The following MLLT3 variants were observed in gnomAD, a reference collection of about 807,000 sequenced individuals.
MLLT3 encodes the protein protein AF-9.
Under a neutral mutation model 53.2 loss-of-function variants are expected in MLLT3, and 4 were observed. That is an observed-to-expected ratio of 0.08 (90% CI 0.04 to 0.17). MLLT3 has a LOEUF of 0.17. MLLT3 is among the 10% of genes least tolerant of loss of function. The pLI, the probability that MLLT3 is intolerant of heterozygous loss-of-function variation, is 1.00. For missense variants in MLLT3, 569 were observed against 684.0 expected, an observed-to-expected ratio of 0.83 and a Z score of 1.87; for synonymous variants, 283 against 230.6, an observed-to-expected ratio of 1.23 and a Z score of -2.06.
At chr9:20,368,010 T>A (rs1821501262) in intron 5 of MLLT3, among the ~76,000 whole-genome samples, 1 of 152,202 alleles carries the variant, frequency 6.6e-6, no homozygotes, top group Admixed American at 6.5e-5. Flanking sequence ...CTAGCACTCA[T>A]TCTGCAGGAA....
chr9:20,617,738 C>G (rs1325266130), intron 2 of MLLT3, among the ~76,000 whole-genome samples: 1 of 152,074 alleles, frequency 6.6e-6, no homozygotes, highest in Non-Finnish European at 1.5e-5. Flanking sequence ...CAGGCTTCAC[C>G]ATTTCATCAA....
chr9:20,467,260 C>T (rs1287082013), intron 2 of MLLT3, among the ~76,000 whole-genome samples: 1 of 152,102 alleles, frequency 6.6e-6, no homozygotes, highest in Non-Finnish European at 1.5e-5. Flanking sequence ...GGACTACAGG[C>T]TGCACCACCA....
intron 2 of MLLT3, among the ~76,000 whole-genome samples, chr9:20,584,741 C>T (rs1036197576): frequency 6.6e-6 from 1 of 152,194 alleles, no homozygotes; most frequent in Non-Finnish European, 1.5e-5. Context: ...TCCCAAAACA[C>T]GTGGGAACTC....
At chr9:20,604,725 T>C (rs1404381357) in intron 2 of MLLT3, among the ~76,000 whole-genome samples, 1 of 152,092 alleles carries the variant, frequency 6.6e-6, no homozygotes, top group Non-Finnish European at 1.5e-5. Flanking sequence ...TAGCAAAAGC[T>C]CAAGGAAGTG....
chr9:20,363,723 T>C (rs992360554), intron 6 of MLLT3, 118 bp from the exon 7 acceptor site: 17 of 888,730 alleles, frequency 1.9e-5, no homozygotes, highest in Non-Finnish European at 1.4e-5. Context: ...TCATCATATA[T>C]ATTTATACAA....
chr9:20,447,794 A>G (rs935887123), intron 4 of MLLT3, among the ~76,000 whole-genome samples: 3 of 152,234 alleles, frequency 2.0e-5, no homozygotes, highest in Admixed American at 6.5e-5. Context: ...TATAACTGAT[A>G]TAACACAGTT....
chr9:20,611,673 A>C (rs1189399847), intron 2 of MLLT3, among the ~76,000 whole-genome samples: 3 of 152,080 alleles, frequency 2.0e-5, no homozygotes, highest in Non-Finnish European at 2.9e-5. Flanking sequence ...TGGTGACTTG[A>C]TTTTATCCAA....
At chr9:20,402,304 A>G (rs920371077) in intron 5 of MLLT3, among the ~76,000 whole-genome samples, 1 of 152,144 alleles carries the variant, frequency 6.6e-6, no homozygotes, top group Non-Finnish European at 1.5e-5. Context: ...TTGAGGAATA[A>G]GGGAGCTTTT....
At chr9:20,596,786 A>T (rs1820281029) in intron 2 of MLLT3, among the ~76,000 whole-genome samples, 1 of 152,242 alleles carries the variant, frequency 6.6e-6, no homozygotes, top group Admixed American at 6.5e-5. Context: ...GTCCCTTGCA[A>T]TTACACATTA....
At position 20,363,625 on chromosome 9, in the gene MLLT3, CA is replaced by C; in HGVS notation, c.1202-21del. 20 of 1,610,966 alleles carry C rather than the reference CA, an allele frequency of 1.2e-5. No individual in the cohort carries two copies. Among genetic ancestry groups the C allele is most frequent in the Non-Finnish European group, 1.7e-5 (20 of 1,179,116 alleles). Reference sequence around the variant, plus strand: ...AAGGACCTGAGTAATGACAATGAACCACAGGCAATCAAACATATACTCAAAC... The same window carrying C: ...AAGGACCTGAGTAATGACAATGAACCCAGGCAATCAAACATATACTCAAAC... On this transcript the variant is annotated intron_variant, in intron 6 of 10. Coordinates refer to ENST00000380338, the MANE Select transcript of MLLT3 (RefSeq NM_004529.4).
At chr9:20,553,132 C>G (rs1013756281) in intron 2 of MLLT3, among the ~76,000 whole-genome samples, 7 of 152,104 alleles carry the variant, frequency 4.6e-5, no homozygotes, top group African/African-American at 1.7e-4. Flanking sequence ...CCTTATTTTT[C>G]TAAAGTATTA....
In MLLT3 at chr9:20,575,617, G is replaced by C. The variant is rs148071738; in HGVS notation, c.193+45037C>G. Among the ~76,000 whole-genome samples, 9 of 152,152 alleles carry C rather than the reference G, an allele frequency of 5.9e-5. No individual in the cohort carries two copies. In the East Asian group the frequency reaches 1.5e-3, roughly 26 times the overall value. On this transcript the variant is annotated intron_variant, in intron 2 of 10. Transcript: ENST00000380338. ...AGTAATTTCCTCGTGTATCTCCATCGAGCTCTTGGGTGATGAGGTGCATTG... is the reference window on the plus strand; with the variant it reads ...AGTAATTTCCTCGTGTATCTCCATCCAGCTCTTGGGTGATGAGGTGCATTG...
intron 2 of MLLT3, among the ~76,000 whole-genome samples, chr9:20,613,252 C>A (rs1394986119): frequency 1.3e-5 from 2 of 152,130 alleles, no homozygotes; most frequent in African/African-American, 4.8e-5. Flanking sequence ...CTAAAAACCA[C>A]AGACTTGCAC....
chr9:20,598,144 CA>C (rs755768064), intron 2 of MLLT3, among the ~76,000 whole-genome samples: 2 of 152,154 alleles, frequency 1.3e-5, no homozygotes, highest in Non-Finnish European at 2.9e-5. Context: ...GGGTCATAAA[CA>C]GTCTCTGAAA....
intron 4 of MLLT3, chr9:20,415,497 CA>C: frequency 1.1e-6 from 1 of 884,420 alleles, no homozygotes; most frequent in Non-Finnish European, 1.4e-6. Context: ...CCTGGACATG[CA>C]AAAATCCACA....
chr9:20,470,000 T>C (rs1824340601), intron 2 of MLLT3, among the ~76,000 whole-genome samples: 1 of 151,988 alleles, frequency 6.6e-6, no homozygotes, highest in Non-Finnish European at 1.5e-5. Flanking sequence ...GTTAATTTTG[T>C]GTAGAATTCT....
At chr9:20,511,783 T>G (rs1006275419) in intron 2 of MLLT3, among the ~76,000 whole-genome samples, 19 of 152,014 alleles carry the variant, frequency 1.2e-4, no homozygotes, top group Admixed American at 1.3e-4. Context: ...CACACACACC[T>G]CTGCCTCTCC....
chr9:20,422,185 T>C (rs555300592), intron 4 of MLLT3, among the ~76,000 whole-genome samples: 1 of 152,232 alleles, frequency 6.6e-6, no homozygotes, highest in Non-Finnish European at 1.5e-5. Context: ...ATGTGGCCAG[T>C]GCACAAAAAG....
chr9:20,359,281 T>C (rs1490378406), intron 8 of MLLT3, among the ~76,000 whole-genome samples: 4 of 152,120 alleles, frequency 2.6e-5, no homozygotes, highest in Non-Finnish European at 4.4e-5. Context: ...TCTCAGCTGA[T>C]TGGCCATGAT....
Sources: allele counts gnomAD v4.1 joint callset (sites outside exome capture counted in the v4.1 genomes callset), GRCh38; gene constraint gnomAD v4.1.1; transcripts MANE v1.5; gene names NCBI Gene and HGNC (gene_info 2026-07-23, HGNC 2026-07-21).